Variants in PI4K2B observed in about 807,000 individuals in gnomAD.
PI4K2B encodes phosphatidylinositol 4-kinase type 2 beta.
In PI4K2B, 46 loss-of-function variants were observed where a neutral mutation model predicts 56.6. That is an observed-to-expected ratio of 0.81 (90% CI 0.64 to 1.04). PI4K2B has a LOEUF of 1.04. Ranked by LOEUF, PI4K2B falls within the 50% of genes least tolerant of loss-of-function variation. PI4K2B has a pLI of 0.00. For missense variants in PI4K2B, 556 were observed against 607.7 expected (o/e 0.91, Z 0.89); for synonymous variants, 211 against 223.8 (o/e 0.94, Z 0.51).
At chr4:25,252,501 T>C (rs1460863924) in intron 2 of PI4K2B, 26 bp downstream of exon 2, 12 of 1,445,948 alleles carry the variant, frequency 8.3e-6, no homozygotes, top group Middle Eastern at 1.8e-4. Flanking sequence ...ACCTATTATA[T>C]GTAATGGAAA....
intron 1 of PI4K2B, among the ~76,000 whole-genome samples, chr4:25,241,061 G>C (rs1715495993): frequency 6.6e-6 from 1 of 152,052 alleles, no homozygotes; most frequent in African/African-American, 2.4e-5. Flanking sequence ...TGGGTTTTTT[G>C]CACTGCATGC....
At chr4:25,274,983 G>A (rs1315250225) in intron 9 of PI4K2B, among the ~76,000 whole-genome samples, 1 of 151,474 alleles carries the variant, frequency 6.6e-6, no homozygotes, top group African/African-American at 2.4e-5. Context: ...TTGTATTTTT[G>A]TGTAGAGATG....
At chr4:25,267,634 A>G (rs368077615) in intron 7 of PI4K2B, 23 of 233,620 alleles carry the variant, frequency 9.8e-5, no homozygotes, top group African/African-American at 3.5e-4. Context: ...TGCTCACAGT[A>G]GCTCTGTGGA....
In PI4K2B at chr4:25,234,168, A is replaced by G. The variant is rs1350591315; in HGVS notation, c.5A>G (p.Glu2Gly). 1.5e-6 allele frequency: 2 copies of G among 1,376,102 alleles called. No homozygotes were observed. 85.2% of individuals were successfully genotyped at this position (1,376,102 alleles called of 1,614,324 possible). A position where few individuals can be genotyped will look rare whatever the true frequency, so the allele number is the denominator to read the frequency against. The change falls in exon 1 of 10, where the codon GAG becomes GGG. Residue 2 changes from glutamate (E) to glycine (G), a missense_variant. Transcript: ENST00000264864. ...CGGAGGGAGCAGAGGGAGTCCATGG[A>G]GGATCCCTCCGAGCCCGACCGGTTG... M[E>G]DPSEPDRLAS... is the part of the protein sequence containing the mutation.
chr4:25,276,854 T>C, intron 9 of PI4K2B, 160 bp from the exon 10 acceptor site: 1 of 984,804 alleles, frequency 1.0e-6, no homozygotes, highest in South Asian at 4.7e-5. Flanking sequence ...TAAACATACA[T>C]TCATATAATA....
chr4:25,241,640 G>A (rs141743557), intron 1 of PI4K2B, among the ~76,000 whole-genome samples: 1 of 152,322 alleles, frequency 6.6e-6, no homozygotes, highest in East Asian at 1.9e-4. Context: ...CAGACAGTGA[G>A]ATCCTTTCCT....
intron 1 of PI4K2B, among the ~76,000 whole-genome samples, chr4:25,249,042 T>G (rs1476501673): frequency 1.3e-5 from 2 of 152,196 alleles, no homozygotes; most frequent in Non-Finnish European, 2.9e-5. Flanking sequence ...TTCAAGCATC[T>G]GTTTAACAAA....
chr4:25,260,451 G>A lies in PI4K2B; in HGVS notation c.911-73G>A, dbSNP rs559964986. The A allele has an allele frequency of 6.6e-5, 39 of 588,350 alleles. 1 individual carries two copies. Among genetic ancestry groups the A allele is most frequent in the Non-Finnish European group, 1.1e-4 (39 of 339,352 alleles). 36.4% of individuals were successfully genotyped at this position (588,350 alleles called of 1,614,324 possible). A position where few individuals can be genotyped will look rare whatever the true frequency, so the allele number is the denominator to read the frequency against. On this transcript the variant is annotated intron_variant, in intron 5 of 9. Transcript: ENST00000264864. ...AGTCTCAAAAATCAGGAGATCACTA[G>A]AGTTTTCTCATTGATATTAAGCCAT...
chr4:25,245,187 T>G (rs917099832), intron 1 of PI4K2B, among the ~76,000 whole-genome samples: 2 of 152,092 alleles, frequency 1.3e-5, no homozygotes, highest in African/African-American at 2.4e-5. Context: ...AAAAATTATG[T>G]CTTTCTGATT....
chr4:25,255,784 T>C (rs2109015175), intron 3 of PI4K2B, among the ~76,000 whole-genome samples: 1 of 151,982 alleles, frequency 6.6e-6, no homozygotes, highest in African/African-American at 2.4e-5. Flanking sequence ...TTTCTCTTTA[T>C]CATGGCTCAC....
chr4:25,263,286 T>A (rs1013792582), intron 6 of PI4K2B, among the ~76,000 whole-genome samples: 1 of 152,188 alleles, frequency 6.6e-6, no homozygotes, highest in Admixed American at 6.5e-5. Context: ...TTATATTTAA[T>A]TATGGTCTTT....
chr4:25,263,896 A>G (rs373775072), intron 7 of PI4K2B, 47 bp downstream of exon 7: 2 of 810,230 alleles, frequency 2.5e-6, no homozygotes, highest in Non-Finnish European at 2.0e-6. Flanking sequence ...CCTTTTTTCC[A>G]GAATGAGAAG....
At chr4:25,275,344 T>C (rs1717055858) in intron 9 of PI4K2B, among the ~76,000 whole-genome samples, 1 of 152,206 alleles carries the variant, frequency 6.6e-6, no homozygotes, top group South Asian at 2.1e-4. Context: ...TTTTTTCTTG[T>C]TATCCAAATG....
At chr4:25,249,150 A>G (rs1715923383) in intron 1 of PI4K2B, among the ~76,000 whole-genome samples, 2 of 152,228 alleles carry the variant, frequency 1.3e-5, no homozygotes, top group South Asian at 2.1e-4. Flanking sequence ...GATTAACAGC[A>G]TCCCAAGGCA....
At chr4:25,239,338 G>A (rs1335543299) in intron 1 of PI4K2B, among the ~76,000 whole-genome samples, 2 of 152,198 alleles carry the variant, frequency 1.3e-5, no homozygotes, top group Non-Finnish European at 2.9e-5. Flanking sequence ...TCCCACAGCA[G>A]CAGGGGGAGG....
chr4:25,264,122 A>G (rs1317890679), intron 7 of PI4K2B, among the ~76,000 whole-genome samples: 6 of 152,268 alleles, frequency 3.9e-5, no homozygotes, highest in East Asian at 3.9e-4. Context: ...AAAATATATA[A>G]CATTGAAATT....
In PI4K2B at chr4:25,255,085, A is replaced by G. The variant is rs1445282542; in HGVS notation, c.444A>G (p.Lys148=). ...DPKRKIIGVF[K]PKSEEPYGQL... The stretch of plus-strand genomic sequence containing the variant: ...TCTAGAAAATTATTGGTGTGTTTAA[A>G]CCCAAATCAGAAGAGCCTTATGGTC... Residue 148 remains lysine, a synonymous_variant, in exon 3 of 10, where the codon AAA becomes AAG. Coordinates refer to ENST00000264864, the MANE Select transcript of PI4K2B (RefSeq NM_018323.4). The G allele has an allele frequency of 1.2e-6, 2 of 1,613,332 alleles. No homozygotes were observed. The highest frequency in any genetic ancestry group is 1.7e-6 in the Non-Finnish European group (2 of 1,179,446).
At chr4:25,243,210 C>T (rs891378940) in intron 1 of PI4K2B, among the ~76,000 whole-genome samples, 5 of 152,200 alleles carry the variant, frequency 3.3e-5, no homozygotes, top group Non-Finnish European at 4.4e-5. Flanking sequence ...GCGCTTGCCC[C>T]GGGCACCCTC....
At chr4:25,271,459 G>C (rs992528169) in intron 9 of PI4K2B, among the ~76,000 whole-genome samples, 2 of 152,182 alleles carry the variant, frequency 1.3e-5, no homozygotes, top group African/African-American at 2.4e-5. Context: ...ACTGCAGAAG[G>C]CTGGGCTGGA....
Sources: gnomAD v4.1 joint callset for allele counts (sites outside exome capture counted in the v4.1 genomes callset) on GRCh38, gnomAD v4.1.1 for gene constraint, MANE v1.5 for transcripts, NCBI Gene and HGNC (gene_info 2026-07-23, HGNC 2026-07-21) for gene names.